Variants in LSG1 observed in about 807,000 individuals in gnomAD.
The protein encoded by LSG1 is large subunit GTPase 1 homolog.
In LSG1, 55 loss-of-function variants were observed where a neutral mutation model predicts 82.6. The observed-to-expected ratio is 0.67, with a 90% CI of 0.54 to 0.83. The LOEUF (loss-of-function observed/expected upper bound fraction) is 0.83. LSG1 is among the 40% of genes least tolerant of loss of function. LSG1 has a pLI of 0.00. For missense variants in LSG1, 809 were observed against 807.9 expected, an observed-to-expected ratio of 1.00 and a Z score of -0.02; for synonymous variants, 272 against 282.5, an observed-to-expected ratio of 0.96 and a Z score of 0.37.
intron 10 of LSG1, 129 bp from the exon 11 acceptor site, chr3:194,648,933 A>G: frequency 1.1e-6 from 1 of 880,852 alleles, no homozygotes; most frequent in Non-Finnish European, 1.7e-6. Context: ...AAGGAAGAGG[A>G]TAGTTTTTGA....
chr3:194,656,835 C>T (rs1298892042), intron 7 of LSG1, among the ~76,000 whole-genome samples: 2 of 152,148 alleles, frequency 1.3e-5, no homozygotes, highest in Non-Finnish European at 2.9e-5. Flanking sequence ...ATGATGAGTT[C>T]ATGTCCTTTG....
In LSG1 at chr3:194,641,562, A is replaced by G. The variant is rs1451358384; in HGVS notation, c.*506T>C. On this transcript the variant is annotated 3_prime_UTR_variant, in exon 14 of 14. Transcript: ENST00000265245. ...GAGGAACCCAACTAGGACACTCAGA[A>G]TGGGGAATTTCTCTTTCACCTTCGT... The G allele has an allele frequency of 1.3e-5, 2 of 152,464 alleles. No individual in the cohort carries two copies. The highest frequency in any genetic ancestry group is 4.8e-5 in the African/African-American group (2 of 41,448). The allele number at this position is 152,464 out of a possible 1,614,324, so 9.4% of individuals were successfully genotyped here. A position where few individuals can be genotyped will look rare whatever the true frequency, so the allele number is the denominator to read the frequency against.
In LSG1 at chr3:194,650,890, A is replaced by C. The variant is rs762342141; in HGVS notation, c.1410T>G (p.Pro470=). 6 of 1,613,118 alleles carry C rather than the reference A, an allele frequency of 3.7e-6. No individual in the cohort carries two copies. Among genetic ancestry groups the C allele is most frequent in the Non-Finnish European group, 5.1e-6 (6 of 1,179,616 alleles). Residue 470 remains proline, a synonymous_variant, in exon 10 of 14, where the codon CCT becomes CCG. Transcript: ENST00000265245. The part of the protein sequence containing the change: ...PIDQMRDHVP[P]VSLVCQNIPR... ...AAAGCAGAAAGGATATTAGTGATAC[A>C]GGAGGAACATGATCTCTCATCTGAT...
At chr3:194,664,374 A>T (rs1718991124) in intron 5 of LSG1, among the ~76,000 whole-genome samples, 1 of 152,216 alleles carries the variant, frequency 6.6e-6, no homozygotes, top group South Asian at 2.1e-4. Context: ...AAAAAAAACC[A>T]GCCTGAAGGG....
chr3:194,670,068 T>C lies in LSG1; in HGVS notation c.167A>G (p.Gln56Arg). 6.2e-7 allele frequency: 1 copy of C among 1,614,148 alleles called. No homozygotes were observed. Among genetic ancestry groups the C allele is most frequent in the Non-Finnish European group, 8.5e-7 (1 of 1,179,998 alleles). The change falls in exon 2 of 14, where the codon CAG (glutamine) becomes CGG (arginine). Residue 56 changes from glutamine to arginine, a missense_variant. Gln to Arg is a conservative substitution (Grantham distance 43, BLOSUM62 1). Transcript: ENST00000265245. Reference sequence around the variant, plus strand: ...AGCAAGGAAGTCATCAAGGGAGCTCTGTTCAGTCACTGACTGAAGATTAAG... The same window carrying C: ...AGCAAGGAAGTCATCAAGGGAGCTCCGTTCAGTCACTGACTGAAGATTAAG... The part of the protein sequence containing the change: ...GRLNLQSVTE[Q>R]SSLDDFLATA...
chr3:194,660,642 C>T (rs1438751906), intron 5 of LSG1: 1 of 310,970 alleles, frequency 3.2e-6, no homozygotes, highest in Non-Finnish European at 6.5e-6. Context: ...TATTTAAACC[C>T]AGGAATAAGA....
At chr3:194,644,098 C>G (rs2108614063) in intron 13 of LSG1, among the ~76,000 whole-genome samples, 1 of 152,110 alleles carries the variant, frequency 6.6e-6, no homozygotes, top group Non-Finnish European at 1.5e-5. Context: ...CGCGGTGGCT[C>G]ACGCCTGTAA....
chr3:194,643,772 G>A (rs1399983463), intron 13 of LSG1, among the ~76,000 whole-genome samples: 1 of 152,136 alleles, frequency 6.6e-6, no homozygotes, highest in Admixed American at 6.5e-5. Context: ...ATTATTCATA[G>A]TAGCCAAAAA....
chr3:194,670,606 C>T (rs1164862175), intron 1 of LSG1, among the ~76,000 whole-genome samples: 1 of 152,022 alleles, frequency 6.6e-6, no homozygotes, highest in East Asian at 1.9e-4. Context: ...AGTAAAATGG[C>T]AATAGAAGAA....
At chr3:194,668,148 G>C (rs1719071591) in intron 2 of LSG1, among the ~76,000 whole-genome samples, 2 of 151,700 alleles carry the variant, frequency 1.3e-5, no homozygotes, top group African/African-American at 4.8e-5. Context: ...CCAGGTACCT[G>C]GTGGAAATCA....
intron 11 of LSG1, among the ~76,000 whole-genome samples, chr3:194,647,780 G>A (rs1365140051): frequency 6.6e-6 from 1 of 152,204 alleles, no homozygotes; most frequent in African/African-American, 2.4e-5. Context: ...CTCACCTTGG[G>A]TCAGCTCAGG....
At chr3:194,647,422 T>A (rs972472627) in intron 11 of LSG1, among the ~76,000 whole-genome samples, 1 of 152,108 alleles carries the variant, frequency 6.6e-6, no homozygotes, top group Admixed American at 6.5e-5. Flanking sequence ...TCACAAAACA[T>A]TTGGAAAGAT....
chr3:194,664,239 C>T (rs932925578), intron 5 of LSG1, among the ~76,000 whole-genome samples: 1 of 152,152 alleles, frequency 6.6e-6, no homozygotes, highest in African/African-American at 2.4e-5. Flanking sequence ...AGGTGTGAGC[C>T]ACCGCGCTGG....
chr3:194,672,020 A>G (rs1719148350), intron 1 of LSG1, 44 bp downstream of exon 1: 1 of 1,567,890 alleles, frequency 6.4e-7, no homozygotes, highest in Non-Finnish European at 8.8e-7. Context: ...TGCAGCACTC[A>G]GGCTAGACAG....
intron 8 of LSG1, 96 bp from the exon 9 acceptor site, chr3:194,651,312 T>C: frequency 5.0e-6 from 4 of 802,444 alleles, no homozygotes; most frequent in Non-Finnish European, 8.4e-6. Context: ...AGCATAAGCA[T>C]CTGGTTACTT....
rs1332355877 is a variant in LSG1 at position 194,651,227 on chromosome 3, C to T, written c.1174-11G>A. The T allele has an allele frequency of 6.3e-7, 1 of 1,587,774 alleles. No individual in the cohort carries two copies. Among genetic ancestry groups the T allele is most frequent in the Admixed American group, 1.7e-5 (1 of 59,878 alleles). On this transcript the variant is annotated splice_polypyrimidine_tract_variant and intron_variant, in intron 8 of 13. Transcript: ENST00000265245. ...ATTAGGGTAGCCCACCTAGAAGAGA[C>T]TCAGAAGTTACCAAACAGTAAAACA...
chr3:194,666,188 G>A lies in LSG1; in HGVS notation c.434+15C>T, dbSNP rs1260878029. 27 of 1,603,488 alleles carry A rather than the reference G, an allele frequency of 1.7e-5. No homozygotes were observed. Among genetic ancestry groups the A allele is most frequent in the Non-Finnish European group, 2.2e-5 (26 of 1,170,696 alleles). ...GGATTTCAAAGTAAGTCTTCATAGA[G>A]TCTATAATACTCACCGGACAAGCTG... On this transcript the variant is annotated intron_variant, in intron 4 of 13. Transcript: ENST00000265245.
At chr3:194,649,160 G>C (rs1183620502) in intron 10 of LSG1, 2 of 220,832 alleles carry the variant, frequency 9.1e-6, no homozygotes, top group African/African-American at 2.4e-5. Flanking sequence ...CAGTTAGGCA[G>C]GATTACTTTT....
In LSG1 at chr3:194,648,696, A is replaced by G; in HGVS notation, c.1528T>C (p.Leu510=). Residue 510 remains leucine (L), a synonymous_variant, in exon 11 of 14, where the codon TTG becomes CTG. Transcript: ENST00000265245. ...CACAACTTACATCCATAAGCTGTCA[A>G]CAGTTCTTCCGATGTTGGAGGTCGG... The part of the protein sequence containing the change: ...PHRPPTSEEL[L]TAYGYMRGFM... 1.2e-6 allele frequency: 2 copies of G among 1,614,130 alleles called. No homozygotes were observed. Among genetic ancestry groups the G allele is most frequent in the South Asian group, 2.2e-5 (2 of 91,062 alleles).
Sources: allele counts gnomAD v4.1 joint callset (sites outside exome capture counted in the v4.1 genomes callset), GRCh38; gene constraint gnomAD v4.1.1; transcripts MANE v1.5; gene names NCBI Gene and HGNC (gene_info 2026-07-23, HGNC 2026-07-21).